CDH12: variants seen among roughly 807,000 people sequenced by gnomAD.
CDH12 encodes cadherin-12.
A neutral mutation model predicts 74.1 loss-of-function variants in CDH12; 41 were observed. The observed-to-expected ratio is 0.55, with a 90% CI of 0.43 to 0.72. CDH12 has a LOEUF of 0.72. Among genes scored for constraint, CDH12 ranks in the 30% least tolerant of loss-of-function variants. The pLI is 0.00. For missense variants in CDH12, 945 were observed against 977.2 expected (o/e 0.97, Z 0.44); for synonymous variants, 399 against 355.0 (o/e 1.12, Z -1.39).
At chr5:22,587,147 T>C (rs1740446274) in intron 1 of CDH12, among the ~76,000 whole-genome samples, 1 of 152,032 alleles carries the variant, frequency 6.6e-6, no homozygotes, top group African/African-American at 2.4e-5. Flanking sequence ...AGAAGTGGAC[T>C]TTTAAGAGGT....
chr5:22,808,985 C>T (rs562935485), intron 1 of CDH12, among the ~76,000 whole-genome samples: 1 of 151,468 alleles, frequency 6.6e-6, no homozygotes, highest in Non-Finnish European at 1.5e-5. Context: ...CAATGTTTTG[C>T]TAATTCTTTT....
At chr5:21,968,251 G>A (rs953248740) in intron 6 of CDH12, among the ~76,000 whole-genome samples, 1 of 152,078 alleles carries the variant, frequency 6.6e-6, no homozygotes, top group Non-Finnish European at 1.5e-5. Context: ...ACTTCCCCAG[G>A]GATTGTGGCA....
chr5:22,712,775 T>G (rs1417950990), intron 1 of CDH12, among the ~76,000 whole-genome samples: 1 of 152,050 alleles, frequency 6.6e-6, no homozygotes, highest in African/African-American at 2.4e-5. Flanking sequence ...GTATAAGAGG[T>G]GAAGCTAGGA....
intron 8 of CDH12, among the ~76,000 whole-genome samples, chr5:21,830,091 T>A (rs1579785497): frequency 6.8e-6 from 1 of 146,668 alleles, no homozygotes; most frequent in Non-Finnish European, 1.5e-5. Flanking sequence ...CCCAGCTACT[T>A]GGGAGGCTGA....
At chr5:22,247,024 C>G (rs1752969619) in intron 3 of CDH12, among the ~76,000 whole-genome samples, 1 of 152,124 alleles carries the variant, frequency 6.6e-6, no homozygotes, top group Admixed American at 6.6e-5. Flanking sequence ...TATGTAAATA[C>G]AAATTCTGGA....
At chr5:22,138,087 A>G (rs1317907053) in intron 4 of CDH12, among the ~76,000 whole-genome samples, 1 of 152,114 alleles carries the variant, frequency 6.6e-6, no homozygotes, top group Non-Finnish European at 1.5e-5. Flanking sequence ...GCTATTTCAC[A>G]GTTTAAAAGC....
At chr5:21,824,389 C>T (rs986688505) in intron 8 of CDH12, among the ~76,000 whole-genome samples, 1 of 152,044 alleles carries the variant, frequency 6.6e-6, no homozygotes, top group African/African-American at 2.4e-5. Flanking sequence ...ATGGCATTGC[C>T]TCTGCTTTGA....
At chr5:22,328,171 T>G (rs1739202573) in intron 3 of CDH12, among the ~76,000 whole-genome samples, 1 of 152,198 alleles carries the variant, frequency 6.6e-6, no homozygotes, top group African/African-American at 2.4e-5. Context: ...CTTTATAAAC[T>G]TCTATTTGAA....
intron 4 of CDH12, among the ~76,000 whole-genome samples, chr5:22,194,122 A>C (rs1223409685): frequency 1.3e-5 from 2 of 151,998 alleles, no homozygotes; most frequent in Non-Finnish European, 2.9e-5. Context: ...GTGCTAGAAG[A>C]TCTATTTCAG....
intron 1 of CDH12, among the ~76,000 whole-genome samples, chr5:22,815,781 A>AAT (rs1561051268): frequency 2.0e-5 from 3 of 149,232 alleles, no homozygotes; most frequent in African/African-American, 7.4e-5. Context: ...AAAAAAAAAA[A>AAT]AAAATAAATA....
chr5:22,280,332 C>A (rs955038161), intron 3 of CDH12, among the ~76,000 whole-genome samples: 6 of 152,042 alleles, frequency 3.9e-5, no homozygotes, highest in African/African-American at 1.4e-4. Flanking sequence ...CAAGAGCAAA[C>A]ACATTCAAAA....
At chr5:22,219,238 G>A (rs1751929466) in intron 3 of CDH12, among the ~76,000 whole-genome samples, 1 of 151,698 alleles carries the variant, frequency 6.6e-6, no homozygotes, top group Admixed American at 6.6e-5. Context: ...AAATGCATTT[G>A]ACAGGCATGA....
chr5:21,790,065 C>T (rs905929011), intron 10 of CDH12, among the ~76,000 whole-genome samples: 3 of 152,038 alleles, frequency 2.0e-5, no homozygotes, highest in Admixed American at 6.6e-5. Context: ...TGAGGACTTT[C>T]TCAGTTTTTA....
At chr5:22,695,473 A>G (rs1292016784) in intron 1 of CDH12, among the ~76,000 whole-genome samples, 1 of 152,196 alleles carries the variant, frequency 6.6e-6, no homozygotes, top group African/African-American at 2.4e-5. Flanking sequence ...CAAGTCTACA[A>G]TCATCTGATC....
intron 3 of CDH12, among the ~76,000 whole-genome samples, chr5:22,391,889 TTAAAAA>T (rs1742263556): frequency 6.6e-6 from 1 of 152,142 alleles, no homozygotes; most frequent in Non-Finnish European, 1.5e-5. Context: ...AAGCTCTTTT[TTAAAAA>T]TAAAAATAAT....
intron 4 of CDH12, among the ~76,000 whole-genome samples, chr5:22,157,001 C>T (rs1299046571): frequency 2.0e-5 from 3 of 152,072 alleles, no homozygotes; most frequent in Non-Finnish European, 4.4e-5. Context: ...TATCTGAACT[C>T]TAGTATTAAC....
intron 1 of CDH12, among the ~76,000 whole-genome samples, chr5:22,519,847 G>A (rs1159911631): frequency 6.6e-6 from 1 of 152,120 alleles, no homozygotes; most frequent in Non-Finnish European, 1.5e-5. Context: ...AGTTCATGGA[G>A]TTGTGGTGAG....
At chr5:21,874,191 A>C (rs905625724) in intron 6 of CDH12, among the ~76,000 whole-genome samples, 3 of 152,266 alleles carry the variant, frequency 2.0e-5, no homozygotes, top group African/African-American at 7.2e-5. Flanking sequence ...AAACAACCCC[A>C]TTAAAAAGTG....
chr5:22,108,915 AAT>A (rs1444651410), intron 4 of CDH12, among the ~76,000 whole-genome samples: 1 of 152,244 alleles, frequency 6.6e-6, no homozygotes, highest in Non-Finnish European at 1.5e-5. Context: ...TACTTTAAAA[AAT>A]ATAAAAATAT....
Sources: allele counts gnomAD v4.1 joint callset (sites outside exome capture counted in the v4.1 genomes callset), GRCh38; gene constraint gnomAD v4.1.1; transcripts MANE v1.5; gene names NCBI Gene and HGNC (gene_info 2026-07-23, HGNC 2026-07-21).